LSAMP: variants seen among roughly 807,000 people sequenced by gnomAD.
LSAMP encodes the protein limbic system associated membrane protein, also known as limbic system-associated membrane protein.
Under a neutral mutation model 38.6 loss-of-function variants are expected in LSAMP, and 7 were observed. The ratio of observed to expected loss-of-function variants is 0.18; its 90% CI spans 0.10 to 0.34. The LOEUF (loss-of-function observed/expected upper bound fraction) is 0.34. Ranked by LOEUF, LSAMP falls within the 10% of genes least tolerant of loss-of-function variation. LSAMP has a pLI of 1.00. For missense variants in LSAMP, 313 were observed against 420.0 expected (o/e 0.75, Z 2.23); for synonymous variants, 154 against 166.8 (o/e 0.92, Z 0.59).
rs1935010387 is a variant in LSAMP at position 115,841,974 on chromosome 3, G to A, written c.790C>T (p.Leu264Phe). The stretch of plus-strand genomic sequence containing the variant: ...TGGCCCTCCGTGCTCTTAATCTCAA[G>A]GCCATTGGCACTATTTATCCTAAGA... ...DDTRINSANGLEIKSTEGQSS... is the reference protein window; with the variant it reads ...DDTRINSANGFEIKSTEGQSS... Residue 264 changes from leucine (L) to phenylalanine (F), a missense_variant, in exon 6 of 7, where the codon CTT (leucine) becomes TTT (phenylalanine). Transcript: ENST00000490035. The A allele has an allele frequency of 1.2e-6, 2 of 1,612,904 alleles. No individual in the cohort carries two copies. The highest frequency in any genetic ancestry group is 1.8e-4 in the Middle Eastern group (1 of 5,528).
At chr3:116,262,326 A>G (rs1247490144) in intron 1 of LSAMP, among the ~76,000 whole-genome samples, 1 of 152,190 alleles carries the variant, frequency 6.6e-6, no homozygotes, top group Non-Finnish European at 1.5e-5. Context: ...TTGTGAAACA[A>G]TAGATCCTAG....
intron 1 of LSAMP, among the ~76,000 whole-genome samples, chr3:116,368,927 GA>G (rs1345294234): frequency 2.0e-5 from 3 of 152,062 alleles, no homozygotes; most frequent in Non-Finnish European, 2.9e-5. Flanking sequence ...CACTGGAAAA[GA>G]AAGTTTATTT....
At chr3:116,105,963 G>A (rs1334427163) in intron 1 of LSAMP, among the ~76,000 whole-genome samples, 1 of 152,074 alleles carries the variant, frequency 6.6e-6, no homozygotes, top group African/African-American at 2.4e-5. Context: ...TTAAGCTGAA[G>A]GGAGGTCTTG....
At chr3:116,066,226 G>T (rs967841594) in intron 2 of LSAMP, among the ~76,000 whole-genome samples, 2 of 152,126 alleles carry the variant, frequency 1.3e-5, no homozygotes, top group Non-Finnish European at 2.9e-5. Context: ...TTTTACAGAG[G>T]CACTAATCCC....
At chr3:116,268,215 AT>A (rs2046918556) in intron 1 of LSAMP, among the ~76,000 whole-genome samples, 1 of 151,534 alleles carries the variant, frequency 6.6e-6, no homozygotes, top group South Asian at 2.1e-4. Flanking sequence ...TAAAAAAAAA[AT>A]GTGTGTGTGT....
chr3:115,934,182 A>C (rs1290267048), intron 3 of LSAMP, among the ~76,000 whole-genome samples: 1 of 20,688 alleles, frequency 4.8e-5, no homozygotes, highest in Non-Finnish European at 2.4e-4. Flanking sequence ...TTATTATTTT[A>C]TTTTATTTTT....
rs561499137 is a variant in LSAMP at position 116,109,048 on chromosome 3, GA to G, written c.156-22493del. ...TATATTGAGAATAAGACGGCCTTTT[GA>G]CCTTTTAGGGTCTAGGGCTGTAAAG... is the stretch of plus-strand genomic sequence containing the variant. On this transcript the variant is annotated intron_variant, in intron 1 of 6. Coordinates refer to ENST00000490035, the MANE Select transcript of LSAMP (RefSeq NM_002338.5). 3.9e-3 allele frequency among the ~76,000 whole-genome samples: 590 copies of G among 152,266 alleles called. 3 individuals carry two copies. The highest frequency in any genetic ancestry group is 0.014 in the African/African-American group (569 of 41,534).
At chr3:116,150,789 G>A (rs1709592482) in intron 1 of LSAMP, among the ~76,000 whole-genome samples, 1 of 151,978 alleles carries the variant, frequency 6.6e-6, no homozygotes, top group Admixed American at 6.6e-5. Context: ...TTTTAAAACA[G>A]TAAATACAAA....
intron 1 of LSAMP, among the ~76,000 whole-genome samples, chr3:116,112,403 A>G (rs1708636056): frequency 6.6e-6 from 1 of 152,230 alleles, no homozygotes. Flanking sequence ...TCCTTTTTCT[A>G]GAACTCAAAG....
At chr3:115,943,462 G>A (rs1016039143) in intron 3 of LSAMP, among the ~76,000 whole-genome samples, 1 of 152,148 alleles carries the variant, frequency 6.6e-6, no homozygotes, top group Non-Finnish European at 1.5e-5. Context: ...GAATAAGATA[G>A]ATGCTGGTTT....
chr3:115,981,014 C>G (rs1030007339), intron 3 of LSAMP, among the ~76,000 whole-genome samples: 1 of 152,072 alleles, frequency 6.6e-6, no homozygotes, highest in Non-Finnish European at 1.5e-5. Context: ...TTGTTTTCAA[C>G]CCTGGGTCAC....
At chr3:116,020,258 G>A (rs1237594225) in intron 2 of LSAMP, among the ~76,000 whole-genome samples, 1 of 152,090 alleles carries the variant, frequency 6.6e-6, no homozygotes, top group Non-Finnish European at 1.5e-5. Context: ...CTCACAGACA[G>A]GTAGACATTC....
rs1296477491 is a variant in LSAMP at position 116,164,689 on chromosome 3, AAT to A, written c.156-78135_156-78134del. The stretch of plus-strand genomic sequence containing the variant: ...AATCCAAATATATATATATAATCCA[AAT>A]ATATATATATATAATCCAAATATAT... On this transcript the variant is annotated intron_variant, in intron 1 of 6. Coordinates refer to ENST00000490035, the MANE Select transcript of LSAMP (RefSeq NM_002338.5). Among the ~76,000 whole-genome samples the A allele has an allele frequency of 6.6e-4, 56 of 84,296 alleles. 1 individual carries two copies. Among genetic ancestry groups the A allele is most frequent in the African/African-American group, 2.1e-3 (49 of 23,356 alleles). The allele number at this position is 84,296 out of a possible 152,430, so 55.3% of individuals were successfully genotyped here.
In LSAMP at chr3:116,327,839, G is replaced by A. The variant is rs539144495; in HGVS notation, c.155+117038C>T. The stretch of plus-strand genomic sequence containing the variant: ...AAATTTTAACAAGCAGCATAGATTA[G>A]GCTGAAGTCTATATGATATGCCTTG... On this transcript the variant is annotated intron_variant, in intron 1 of 6. Coordinates refer to ENST00000490035, the MANE Select transcript of LSAMP (RefSeq NM_002338.5). Among the ~76,000 whole-genome samples, 4 of 152,228 alleles carry A rather than the reference G, an allele frequency of 2.6e-5. No individual in the cohort carries two copies. In the East Asian group the frequency reaches 7.7e-4, roughly 29 times the overall value.
At chr3:115,911,417 G>A (rs1937131775) in intron 3 of LSAMP, among the ~76,000 whole-genome samples, 1 of 152,136 alleles carries the variant, frequency 6.6e-6, no homozygotes, top group Admixed American at 6.5e-5. Context: ...GAGTGTAGTG[G>A]AGCAATCACT....
chr3:115,948,194 ATAACAAAGACAAAATT>A (rs1938165557), intron 3 of LSAMP, among the ~76,000 whole-genome samples: 1 of 152,212 alleles, frequency 6.6e-6, no homozygotes, highest in African/African-American at 2.4e-5. Context: ...AACAAATCAT[ATAACAAAGACAAAATT>A]TTATTGAATG....
intron 3 of LSAMP, among the ~76,000 whole-genome samples, chr3:115,943,903 C>T (rs28465369): frequency 0.36 from 54,373 of 152,026 alleles, 10,706 homozygotes; most frequent in South Asian, 0.62. Flanking sequence ...CTCTCTCACC[C>T]TCTAGGAAAA....
intron 3 of LSAMP, among the ~76,000 whole-genome samples, chr3:115,865,872 C>T (rs1935843392): frequency 1.3e-5 from 2 of 152,148 alleles, no homozygotes; most frequent in Non-Finnish European, 2.9e-5. Flanking sequence ...GGGATCAATC[C>T]AGTATTTAGA....
chr3:116,000,611 G>A (rs1576296696), intron 3 of LSAMP, among the ~76,000 whole-genome samples: 2 of 152,174 alleles, frequency 1.3e-5, no homozygotes, highest in East Asian at 3.8e-4. Context: ...ACTTGTTGTG[G>A]ACCTGGTTCT....
Sources: gnomAD v4.1 joint callset for allele counts (sites outside exome capture counted in the v4.1 genomes callset) on GRCh38, gnomAD v4.1.1 for gene constraint, MANE v1.5 for transcripts, NCBI Gene and HGNC (gene_info 2026-07-23, HGNC 2026-07-21) for gene names.